Variants in CHST11 observed in about 807,000 individuals in gnomAD.
CHST11 encodes the protein C4S-1.
CHST11 carries 9 observed loss-of-function variants against 30.4 expected under a neutral mutation model. That is an observed-to-expected ratio of 0.30 (90% CI 0.18 to 0.52). CHST11 has a LOEUF of 0.52. Ranked by LOEUF, CHST11 falls within the 20% of genes least tolerant of loss-of-function variation. The pLI is 0.97. For missense variants in CHST11, 348 were observed against 460.6 expected (o/e 0.76, Z 2.24); for synonymous variants, 152 against 187.8 (o/e 0.81, Z 1.56).
intron 1 of CHST11, among the ~76,000 whole-genome samples, chr12:104,464,429 A>G (rs1265106581): frequency 2.6e-5 from 4 of 152,072 alleles, no homozygotes; most frequent in Admixed American, 2.0e-4. Flanking sequence ...TGGTCACCAT[A>G]TAAGTCCCAT....
chr12:104,635,646 A>G (rs554004315), intron 2 of CHST11, among the ~76,000 whole-genome samples: 1 of 152,350 alleles, frequency 6.6e-6, no homozygotes, highest in Non-Finnish European at 1.5e-5. Flanking sequence ...CACATCTGCC[A>G]TCTCTGACAT....
intron 1 of CHST11, chr12:104,514,332 T>C (rs972319549): frequency 1.0e-6 from 1 of 974,894 alleles, no homozygotes; most frequent in Non-Finnish European, 1.7e-6. Context: ...CAGAAACCTG[T>C]CTCTCAAGCA....
chr12:104,720,141 G>A (rs2040162324), intron 2 of CHST11, among the ~76,000 whole-genome samples: 1 of 152,236 alleles, frequency 6.6e-6, no homozygotes, highest in African/African-American at 2.4e-5. Context: ...GCCCCAAGAA[G>A]CACGCTTCCT....
intron 1 of CHST11, among the ~76,000 whole-genome samples, chr12:104,563,091 A>G (rs952946492): frequency 6.6e-5 from 10 of 152,174 alleles, no homozygotes; most frequent in Admixed American, 2.0e-4. Context: ...CCAAGGCTGG[A>G]GTGCAGTGGC....
Position 104,541,130 on chromosome 12 carries a change from T to TCACACA in CHST11, c.119-60751_119-60746dup, listed in dbSNP as rs71069763. Among the ~76,000 whole-genome samples the TCACACA allele has an allele frequency of 0.011, 1,652 of 146,646 alleles. 58 individuals are homozygous for TCACACA. The East Asian group carries it at 0.13, about 11-fold the overall frequency. ...GAATCTCTCCCTCTCTCTCTCTCTC[T>TCACACA]CACACACACACACACACACACACAC... On this transcript the variant is annotated intron_variant, in intron 1 of 2. Transcript: ENST00000303694.
intron 1 of CHST11, among the ~76,000 whole-genome samples, chr12:104,522,889 G>A (rs1216169997): frequency 6.6e-6 from 1 of 152,110 alleles, no homozygotes; most frequent in Non-Finnish European, 1.5e-5. Context: ...CTTGATAAAG[G>A]CAAAATGGTG....
Position 104,599,497 on chromosome 12 carries a change from C to T in CHST11, c.119-2409C>T, listed in dbSNP as rs561391999. ...CGAAGTGTTGCTATGTCATTGTGCA[C>T]CAAGGGCAACTTGCGTGCATTTCAC... On this transcript the variant is annotated intron_variant, in intron 1 of 2. Transcript: ENST00000303694. 1.6e-3 allele frequency among the ~76,000 whole-genome samples: 251 copies of T among 152,208 alleles called. 2 individuals are homozygous for T. The highest frequency in any genetic ancestry group is 2.7e-3 in the Non-Finnish European group (184 of 68,014).
intron 2 of CHST11, among the ~76,000 whole-genome samples, chr12:104,625,052 T>C (rs2039199079): frequency 6.6e-6 from 1 of 152,210 alleles, no homozygotes; most frequent in South Asian, 2.1e-4. Flanking sequence ...AGCTTCAACA[T>C]ACAAATTTTG....
At chr12:104,644,295 C>T (rs975626521) in intron 2 of CHST11, among the ~76,000 whole-genome samples, 2 of 152,220 alleles carry the variant, frequency 1.3e-5, no homozygotes, top group Non-Finnish European at 2.9e-5. Context: ...CATTTCGTCT[C>T]AGGTTGCCTT....
intron 2 of CHST11, among the ~76,000 whole-genome samples, chr12:104,613,697 A>G (rs1468717293): frequency 1.3e-5 from 2 of 152,184 alleles, no homozygotes; most frequent in African/African-American, 4.8e-5. Flanking sequence ...TGTGGAACCA[A>G]TGAAACCTCT....
chr12:104,592,540 C>A (rs1051718535), intron 1 of CHST11, among the ~76,000 whole-genome samples: 2 of 152,172 alleles, frequency 1.3e-5, no homozygotes, highest in Non-Finnish European at 2.9e-5. Context: ...CCAAAGTCCC[C>A]ACCCTCTAAA....
intron 2 of CHST11, among the ~76,000 whole-genome samples, chr12:104,737,622 G>T (rs1001972901): frequency 1.3e-5 from 2 of 152,182 alleles, no homozygotes; most frequent in Non-Finnish European, 2.9e-5. Flanking sequence ...TCCAGATCTC[G>T]CATTGACCCT....
chr12:104,736,198 T>C (rs1227380377), intron 2 of CHST11, among the ~76,000 whole-genome samples: 1 of 152,082 alleles, frequency 6.6e-6, no homozygotes, highest in Non-Finnish European at 1.5e-5. Flanking sequence ...TTCCCCAAAG[T>C]TCCCCCTGCA....
chr12:104,517,251 C>G (rs1023470497), intron 1 of CHST11, among the ~76,000 whole-genome samples: 1 of 152,192 alleles, frequency 6.6e-6, no homozygotes, highest in African/African-American at 2.4e-5. Flanking sequence ...CAAAGTTCAG[C>G]GCCTGGGCTC....
At chr12:104,723,697 G>A (rs1458656525) in intron 2 of CHST11, among the ~76,000 whole-genome samples, 1 of 152,188 alleles carries the variant, frequency 6.6e-6, no homozygotes, top group Non-Finnish European at 1.5e-5. Context: ...CCCTGGCCAG[G>A]TACCCCTAAT....
chr12:104,674,222 TA>T (rs953462890), intron 2 of CHST11, among the ~76,000 whole-genome samples: 1 of 152,110 alleles, frequency 6.6e-6, no homozygotes, highest in African/African-American at 2.4e-5. Flanking sequence ...TTTGTGTGTT[TA>T]AAACTCTTAG....
At chr12:104,517,447 C>T (rs1487558159) in intron 1 of CHST11, among the ~76,000 whole-genome samples, 2 of 152,140 alleles carry the variant, frequency 1.3e-5, no homozygotes, top group African/African-American at 4.8e-5. Context: ...GTAGGGGCTT[C>T]CAGACCCCTG....
intron 2 of CHST11, among the ~76,000 whole-genome samples, chr12:104,702,646 C>T (rs986941288): frequency 6.6e-6 from 1 of 152,148 alleles, no homozygotes; most frequent in Non-Finnish European, 1.5e-5. Flanking sequence ...TGAGCGACTC[C>T]CCCGCACTGG....
intron 1 of CHST11, among the ~76,000 whole-genome samples, chr12:104,572,455 G>T (rs1359047904): frequency 6.6e-6 from 1 of 152,186 alleles, no homozygotes; most frequent in Admixed American, 6.5e-5. Context: ...AGGTGTATGT[G>T]TCAAGGAATT....
Sources: allele counts gnomAD v4.1 joint callset (sites outside exome capture counted in the v4.1 genomes callset), GRCh38; gene constraint gnomAD v4.1.1; transcripts MANE v1.5; gene names NCBI Gene and HGNC (gene_info 2026-07-23, HGNC 2026-07-21).